Variants in NTM observed in about 807,000 individuals in gnomAD.
The protein encoded by NTM is IgLON family member 2.
NTM carries 13 observed loss-of-function variants against 42.1 expected under a neutral mutation model. That is an observed-to-expected ratio of 0.31 (90% CI 0.20 to 0.49). The LOEUF is 0.49. Ranked by LOEUF, NTM falls within the 20% of genes least tolerant of loss-of-function variation. The probability of loss-of-function intolerance (pLI) is 0.99; values close to 1 mark genes in which losing one functional copy is unlikely to be tolerated. For missense variants in NTM, 373 were observed against 452.8 expected (o/e 0.82, Z 1.60); for synonymous variants, 187 against 179.2 (o/e 1.04, Z -0.35).
At chr11:131,755,197 A>G (rs552659506) in intron 1 of NTM, among the ~76,000 whole-genome samples, 1 of 152,334 alleles carries the variant, frequency 6.6e-6, no homozygotes, top group Admixed American at 6.5e-5. Context: ...AAGTTATACA[A>G]TAAAAATTGG....
intron 1 of NTM, among the ~76,000 whole-genome samples, chr11:131,896,224 T>C (rs1328568271): frequency 6.6e-6 from 1 of 152,176 alleles, no homozygotes; most frequent in Non-Finnish European, 1.5e-5. Flanking sequence ...ATACCCTCAT[T>C]ACTGTGCAGA....
intron 1 of NTM, among the ~76,000 whole-genome samples, chr11:131,713,599 A>G (rs2077388835): frequency 6.6e-6 from 1 of 152,114 alleles, no homozygotes; most frequent in Non-Finnish European, 1.5e-5. Context: ...CACAAAGTAT[A>G]TGTTTATACT....
At chr11:132,269,947 T>C (rs1345941363) in intron 4 of NTM, among the ~76,000 whole-genome samples, 1 of 152,226 alleles carries the variant, frequency 6.6e-6, no homozygotes, top group African/African-American at 2.4e-5. Flanking sequence ...ACAAATTGTA[T>C]ACAGTCAGGT....
chr11:131,865,541 C>A (rs939095622), intron 1 of NTM, among the ~76,000 whole-genome samples: 1 of 152,190 alleles, frequency 6.6e-6, no homozygotes, highest in African/African-American at 2.4e-5. Context: ...GCAAACAGAA[C>A]AATGCTAGCA....
chr11:132,025,086 G>A (rs1251548413), intron 2 of NTM, among the ~76,000 whole-genome samples: 2 of 152,188 alleles, frequency 1.3e-5, no homozygotes, highest in Non-Finnish European at 2.9e-5. Context: ...TTGGAGTCAT[G>A]GGATTCAGCT....
chr11:132,201,086 A>C (rs1257012535), intron 3 of NTM, among the ~76,000 whole-genome samples: 2 of 152,170 alleles, frequency 1.3e-5, no homozygotes, highest in East Asian at 1.9e-4. Context: ...TTTGCAGACA[A>C]ATGACCCCTA....
At chr11:131,685,586 T>G (rs1376046662) in intron 1 of NTM, among the ~76,000 whole-genome samples, 1 of 152,212 alleles carries the variant, frequency 6.6e-6, no homozygotes, top group Non-Finnish European at 1.5e-5. Context: ...CGCCCCCTCG[T>G]AGCAAGTGAA....
intron 2 of NTM, among the ~76,000 whole-genome samples, chr11:132,080,130 A>C (rs1049026483): frequency 1.3e-5 from 2 of 152,176 alleles, no homozygotes; most frequent in South Asian, 4.1e-4. Context: ...TTAAACTTTC[A>C]GAGCCTCATC....
At chr11:132,041,694 T>C (rs1406073459) in intron 2 of NTM, among the ~76,000 whole-genome samples, 1 of 152,100 alleles carries the variant, frequency 6.6e-6, no homozygotes, top group Non-Finnish European at 1.5e-5. Context: ...AGCATCTGGG[T>C]CAGACAGCCC....
intron 4 of NTM, among the ~76,000 whole-genome samples, chr11:132,238,131 T>C (rs1451074569): frequency 6.6e-6 from 1 of 152,034 alleles, no homozygotes; most frequent in African/African-American, 2.4e-5. Context: ...ACTAAATCAC[T>C]CTTAACCTGG....
chr11:131,401,821 T>TAC (rs1945213051), intron 1 of NTM, among the ~76,000 whole-genome samples: 1 of 52,776 alleles, frequency 1.9e-5, no homozygotes, highest in African/African-American at 8.0e-5. Flanking sequence ...TATATATATA[T>TAC]ATATATATAT....
chr11:131,431,331 C>A (rs534433501), intron 1 of NTM, among the ~76,000 whole-genome samples: 3 of 152,120 alleles, frequency 2.0e-5, no homozygotes, highest in Non-Finnish European at 2.9e-5. Flanking sequence ...CTCTTCCTGG[C>A]CAAAACATCT....
At chr11:131,717,428 C>T (rs748324324) in intron 1 of NTM, among the ~76,000 whole-genome samples, 10 of 152,208 alleles carry the variant, frequency 6.6e-5, no homozygotes, top group East Asian at 5.8e-4. Flanking sequence ...TAGCCTTCAA[C>T]GTACAGATCT....
chr11:132,154,284 T>TTA (rs1173446944), intron 3 of NTM, among the ~76,000 whole-genome samples: 1 of 152,144 alleles, frequency 6.6e-6, no homozygotes, highest in African/African-American at 2.4e-5. Flanking sequence ...ACTCAAAAGA[T>TTA]TATCAGTGGA....
intron 2 of NTM, among the ~76,000 whole-genome samples, chr11:132,009,445 G>A (rs555985966): frequency 6.6e-6 from 1 of 152,036 alleles, no homozygotes; most frequent in Admixed American, 6.5e-5. Context: ...GCAGAAGAAA[G>A]GGAATAAAAT....
At chr11:131,641,939 A>G (rs896834023) in intron 1 of NTM, among the ~76,000 whole-genome samples, 1 of 151,918 alleles carries the variant, frequency 6.6e-6, no homozygotes, top group Non-Finnish European at 1.5e-5. Flanking sequence ...GTTGGCGAGG[A>G]TGGTCTCGAT....
intron 1 of NTM, among the ~76,000 whole-genome samples, chr11:131,669,110 C>T (rs1367947486): frequency 6.6e-6 from 1 of 152,066 alleles, no homozygotes; most frequent in Non-Finnish European, 1.5e-5. Flanking sequence ...TAGGGTTGGT[C>T]ATTCAGGGCT....
At chr11:131,912,592 T>C (rs935267668) in intron 2 of NTM, among the ~76,000 whole-genome samples, 2 of 152,210 alleles carry the variant, frequency 1.3e-5, no homozygotes, top group Non-Finnish European at 2.9e-5. Flanking sequence ...TGGGATTTTA[T>C]AAGAGAATAA....
chr11:131,457,727 C>CCCG (rs1002547415), intron 1 of NTM, among the ~76,000 whole-genome samples: 4 of 152,176 alleles, frequency 2.6e-5, no homozygotes, highest in African/African-American at 7.2e-5. Context: ...GTCCTCCCCC[C>CCCG]CCAAATTTAT....
Sources: gnomAD v4.1 joint callset for allele counts (sites outside exome capture counted in the v4.1 genomes callset) on GRCh38, gnomAD v4.1.1 for gene constraint, MANE v1.5 for transcripts, NCBI Gene and HGNC (gene_info 2026-07-23, HGNC 2026-07-21) for gene names.